ABLIM1: variants seen among roughly 807,000 people sequenced by gnomAD.
ABLIM1 encodes the protein actin-binding LIM protein 1.
In ABLIM1, 40 loss-of-function variants were observed where a neutral mutation model predicts 107.0. The observed-to-expected ratio is 0.37, with a 90% CI of 0.29 to 0.49. ABLIM1 has a LOEUF of 0.49. Ranked by LOEUF, ABLIM1 falls within the 20% of genes least tolerant of loss-of-function variation. The pLI is 0.97. For synonymous variants in ABLIM1, 357 were observed against 357.3 expected, an observed-to-expected ratio of 1.00 and a Z score of 0.01; for missense variants, 857 against 1,008.5, an observed-to-expected ratio of 0.85 and a Z score of 2.04.
chr10:114,713,306 G>T (rs1208846691), intron 1 of ABLIM1, among the ~76,000 whole-genome samples: 2 of 152,176 alleles, frequency 1.3e-5, no homozygotes, highest in African/African-American at 4.8e-5. Context: ...AGGATAAATG[G>T]AATGGCAAAG....
chr10:114,798,564 C>CCCT, the ABLIM1 span, among the ~76,000 whole-genome samples: 8 of 149,072 alleles, frequency 5.4e-5, no homozygotes, highest in South Asian at 2.2e-4. Flanking sequence ...AGACCCCCCC[C>CCCT]CCATGTCTAC....
rs189429584 is a variant in ABLIM1, at chr10:114,724,717, C to T, written c.-213+43344G>A. Among the ~76,000 whole-genome samples the T allele has an allele frequency of 2.6e-5, 4 of 152,330 alleles. No individual in the cohort carries two copies. The East Asian group carries it at 7.7e-4, about 29-fold the overall frequency. On this transcript the variant is annotated intron_variant, in intron 1 of 15. Coordinates refer to the ABLIM1 transcript ENST00000651092. ...CTTCCTCTCACGAGAACAGCAGGCA[C>T]CTTTCACAAAGACTTTCCAAGGGCC... is the stretch of plus-strand genomic sequence containing the variant.
intron 6 of ABLIM1, among the ~76,000 whole-genome samples, chr10:114,520,863 G>C (rs549425975): frequency 6.6e-6 from 1 of 151,892 alleles, no homozygotes; most frequent in Non-Finnish European, 1.5e-5. Context: ...CTGTAGTCCC[G>C]GGACTCAGGA....
chr10:114,515,816 G>A (rs950701586), intron 6 of ABLIM1, among the ~76,000 whole-genome samples: 3 of 152,176 alleles, frequency 2.0e-5, no homozygotes, highest in Non-Finnish European at 4.4e-5. Flanking sequence ...AGAGGCAGAG[G>A]TTGGTGTTTT....
intron 1 of ABLIM1, among the ~76,000 whole-genome samples, chr10:114,651,352 G>T (rs937659620): frequency 1.3e-5 from 2 of 152,188 alleles, no homozygotes; most frequent in Admixed American, 1.3e-4. Context: ...GATGTGCAGA[G>T]GATGCTATGA....
At chr10:114,756,058 C>T (rs925254476) in intron 1 of ABLIM1, among the ~76,000 whole-genome samples, 1 of 144,636 alleles carries the variant, frequency 6.9e-6, no homozygotes, top group Non-Finnish European at 1.5e-5. Flanking sequence ...TTATTTAATC[C>T]ATAGGAATTG....
At chr10:114,583,020 ATTAAACTAAAGAGCTTCTG>A (rs1252006587) in intron 2 of ABLIM1, among the ~76,000 whole-genome samples, 1 of 152,180 alleles carries the variant, frequency 6.6e-6, no homozygotes, top group Non-Finnish European at 1.5e-5. Context: ...GTGGGATCTA[ATTAAACTAAAGAGCTTCTG>A]CACAGCAAAA....
the ABLIM1 span, among the ~76,000 whole-genome samples, chr10:114,784,071 GGC>G: frequency 6.6e-6 from 1 of 152,130 alleles, no homozygotes. Context: ...GGATGGGCCG[GGC>G]GCAGTGGCTC....
Position 114,448,025 on chromosome 10 carries a change from A to G in ABLIM1, c.1595-5T>C. 6.2e-7 allele frequency: 1 copy of G among 1,614,116 alleles called. No individual in the cohort carries two copies. The highest frequency in any genetic ancestry group is 8.5e-7 in the Non-Finnish European group (1 of 1,179,980). On this transcript the variant is annotated splice_polypyrimidine_tract_variant and splice_region_variant and intron_variant, in intron 14 of 22. Transcript: ENST00000533213. ...TGCTCTGGGCTGCCAAGGCAGCTGCATCTAGATGGGAATCAGGGGTTGCTT... is the reference window on the plus strand; with the variant it reads ...TGCTCTGGGCTGCCAAGGCAGCTGCGTCTAGATGGGAATCAGGGGTTGCTT...
chr10:114,458,459 G>A (rs2063248692), intron 12 of ABLIM1, among the ~76,000 whole-genome samples: 1 of 152,096 alleles, frequency 6.6e-6, no homozygotes, highest in South Asian at 2.1e-4. Context: ...ATAGAGATGG[G>A]GGTGTGCGAT....
At chr10:114,468,306 G>A (rs953115364) in intron 10 of ABLIM1, 90 bp from the exon 11 acceptor site, 29 of 1,274,910 alleles carry the variant, frequency 2.3e-5, no homozygotes, top group Non-Finnish European at 2.9e-5. Flanking sequence ...ATGGAGTCTC[G>A]CTCTGTCGCC....
At chr10:114,675,795 G>C (rs961635813) in intron 1 of ABLIM1, among the ~76,000 whole-genome samples, 13 of 152,198 alleles carry the variant, frequency 8.5e-5, no homozygotes, top group African/African-American at 3.1e-4. Flanking sequence ...AGAGTGCAGA[G>C]TCGGTTCCTT....
At chr10:114,584,160 G>GAAAAGAAAAGA (rs1473958362) in intron 2 of ABLIM1, among the ~76,000 whole-genome samples, 2 of 151,752 alleles carry the variant, frequency 1.3e-5, no homozygotes, top group Non-Finnish European at 2.9e-5. Flanking sequence ...GAAAAGAAAA[G>GAAAAGAAAAGA]AAAGTCCTGT....
chr10:114,542,438 GA>G (rs375774485), intron 6 of ABLIM1, among the ~76,000 whole-genome samples: 5,755 of 96,372 alleles, frequency 0.06, 432 homozygotes, highest in African/African-American at 0.18. Context: ...AAAGAAAAAA[GA>G]AAAAAAAAAA....
intron 4 of ABLIM1, among the ~76,000 whole-genome samples, chr10:114,570,222 C>T (rs1456243907): frequency 6.6e-6 from 1 of 152,208 alleles, no homozygotes; most frequent in Admixed American, 6.5e-5. Flanking sequence ...AGCTTCCTTG[C>T]TTGGTGCCCA....
intron 6 of ABLIM1, among the ~76,000 whole-genome samples, chr10:114,530,116 T>C (rs2065292719): frequency 6.6e-6 from 1 of 152,216 alleles, no homozygotes; most frequent in Admixed American, 6.5e-5. Context: ...ATTGTGATGA[T>C]GGTTGCACAA....
chr10:114,679,888 T>G (rs934939485), intron 1 of ABLIM1, among the ~76,000 whole-genome samples: 8 of 152,292 alleles, frequency 5.3e-5, no homozygotes, highest in African/African-American at 1.9e-4. Flanking sequence ...ATTACTTTGA[T>G]GAAAATAAAA....
At chr10:114,478,221 A>AC (rs1401417433) in intron 8 of ABLIM1, among the ~76,000 whole-genome samples, 1 of 152,194 alleles carries the variant, frequency 6.6e-6, no homozygotes, top group African/African-American at 2.4e-5. Context: ...GAATACACTT[A>AC]CCCCCAAGTT....
At chr10:114,443,041 T>G (rs185200458) in intron 17 of ABLIM1, among the ~76,000 whole-genome samples, 2 of 151,964 alleles carry the variant, frequency 1.3e-5, no homozygotes, top group South Asian at 4.1e-4. Flanking sequence ...GGTTTCACTG[T>G]GTTAGCCAGG....
Sources: gnomAD v4.1 joint callset for allele counts (sites outside exome capture counted in the v4.1 genomes callset) on GRCh38, gnomAD v4.1.1 for gene constraint, MANE v1.5 for transcripts, NCBI Gene and HGNC (gene_info 2026-07-23, HGNC 2026-07-21) for gene names.